Variants in GAS7 observed in about 807,000 individuals in gnomAD.
GAS7 encodes the protein growth arrest specific 7.
GAS7 carries 28 observed loss-of-function variants against 71.1 expected under a neutral mutation model. The observed-to-expected ratio is 0.39, with a 90% CI of 0.29 to 0.54. The LOEUF (loss-of-function observed/expected upper bound fraction) is 0.54, where lower values mean the gene tolerates loss of function less well. GAS7 is among the 20% of genes least tolerant of loss of function. The pLI is 0.62. For missense variants in GAS7, 436 were observed against 627.8 expected (o/e 0.69, Z 3.27); for synonymous variants, 258 against 245.8 (o/e 1.05, Z -0.46).
intron 1 of GAS7, among the ~76,000 whole-genome samples, chr17:10,047,135 G>C (rs575298254): frequency 1.3e-4 from 20 of 152,152 alleles, no homozygotes; most frequent in Non-Finnish European, 2.4e-4. Flanking sequence ...GAAAACAAGA[G>C]AGCAGGAAGT....
chr17:9,918,066 T>C lies in GAS7; in HGVS notation c.1252A>G (p.Met418Val), dbSNP rs759002085. 1.2e-6 allele frequency: 2 copies of C among 1,613,806 alleles called. No individual in the cohort carries two copies. The highest frequency in any genetic ancestry group is 1.7e-6 in the Non-Finnish European group (2 of 1,179,794). The stretch of plus-strand genomic sequence containing the variant: ...TACTGGCACAGGTGCTGCCGGATCA[T>C]CTCTACCCTCTCCACCTCCAGCCGC... Reference protein sequence around the residue: ...LERLEVERVEMIRQHLCQYTQ... With the variant: ...LERLEVERVEVIRQHLCQYTQ... The change falls in exon 13 of 14, where the codon ATG becomes GTG. Residue 418 changes from methionine to valine, a missense_variant. Met to Val is a conservative substitution (Grantham distance 21, BLOSUM62 1). Transcript: ENST00000432992.
intron 1 of GAS7, among the ~76,000 whole-genome samples, chr17:10,149,382 C>T (rs747748834): frequency 3.9e-5 from 6 of 152,204 alleles, no homozygotes; most frequent in Non-Finnish European, 4.4e-5. Flanking sequence ...GGATTACAGA[C>T]GTGAGCCACC....
At chr17:9,992,833 C>T (rs2152144801) in intron 2 of GAS7, among the ~76,000 whole-genome samples, 1 of 150,490 alleles carries the variant, frequency 6.6e-6, no homozygotes, top group African/African-American at 2.4e-5. Flanking sequence ...CAATTCCCAC[C>T]TATGAGTGAG....
At chr17:9,964,504 A>G (rs1271385495) in intron 4 of GAS7, among the ~76,000 whole-genome samples, 4 of 152,128 alleles carry the variant, frequency 2.6e-5, no homozygotes, top group African/African-American at 7.2e-5. Context: ...CTGGGTCTCT[A>G]TGCGTAAACA....
chr17:9,948,582 C>G (rs953771579), intron 5 of GAS7, among the ~76,000 whole-genome samples: 2 of 152,128 alleles, frequency 1.3e-5, no homozygotes, highest in South Asian at 4.1e-4. Context: ...ACTCAGGAGG[C>G]TGAGGCAGGA....
At chr17:10,121,824 A>G (rs2073906569) in intron 1 of GAS7, among the ~76,000 whole-genome samples, 1 of 151,948 alleles carries the variant, frequency 6.6e-6, no homozygotes, top group South Asian at 2.1e-4. Flanking sequence ...AAGCCTCCCA[A>G]AAAAGTCTCA....
At chr17:10,014,114 C>T (rs939789923) in intron 2 of GAS7, among the ~76,000 whole-genome samples, 3 of 152,230 alleles carry the variant, frequency 2.0e-5, no homozygotes, top group Non-Finnish European at 4.4e-5. Context: ...ACCACACACT[C>T]AGCATGGACT....
At chr17:9,957,332 G>A (rs1248092411) in intron 5 of GAS7, among the ~76,000 whole-genome samples, 1 of 152,156 alleles carries the variant, frequency 6.6e-6, no homozygotes, top group African/African-American at 2.4e-5. Context: ...AGCAGGAAGC[G>A]ACAGGGAAGG....
In GAS7 at chr17:10,134,717, T is replaced by C. The variant is rs186317910; in HGVS notation, c.183+63491A>G. On this transcript the variant is annotated intron_variant, in intron 1 of 13. Transcript: ENST00000432992. Reference sequence around the variant, plus strand: ...GGTAGGATGGAAGAAAACAACTCTATTGAAGCCACAGGGTTATAGCCCTGT... The same window carrying C: ...GGTAGGATGGAAGAAAACAACTCTACTGAAGCCACAGGGTTATAGCCCTGT... Among the ~76,000 whole-genome samples, 55 of 152,268 alleles carry C rather than the reference T, an allele frequency of 3.6e-4. 1 individual carries two copies. Among genetic ancestry groups the C allele is most frequent in the African/African-American group, 1.2e-3 (49 of 41,538 alleles).
At chr17:10,012,457 T>C (rs1442959972) in intron 2 of GAS7, among the ~76,000 whole-genome samples, 1 of 151,894 alleles carries the variant, frequency 6.6e-6, no homozygotes, top group Non-Finnish European at 1.5e-5. Flanking sequence ...CCGGCTAATT[T>C]TTGTATTTTT....
chr17:10,037,544 G>C (rs541666476), intron 1 of GAS7, among the ~76,000 whole-genome samples: 1 of 152,146 alleles, frequency 6.6e-6, no homozygotes, highest in Admixed American at 6.5e-5. Context: ...AGGTTTCAAT[G>C]CCAGCTCCTT....
intron 1 of GAS7, among the ~76,000 whole-genome samples, chr17:10,083,241 C>CT (rs1262673630): frequency 6.6e-6 from 1 of 152,188 alleles, no homozygotes; most frequent in Non-Finnish European, 1.5e-5. Flanking sequence ...ATTAAACAGA[C>CT]TTTAGGCCAG....
intron 1 of GAS7, among the ~76,000 whole-genome samples, chr17:10,111,769 T>C (rs1182374288): frequency 6.6e-6 from 1 of 152,144 alleles, no homozygotes; most frequent in Non-Finnish European, 1.5e-5. Context: ...TAACCCCAAT[T>C]GTGTTTCCAA....
Position 9,916,980 on chromosome 17 carries a change from A to C in GAS7, c.*248T>G, listed in dbSNP as rs1319340932. Reference sequence around the variant, plus strand: ...CTCTGTTTGTTTCAGAGCGGCAAGCACAGCATGGGAGTCAGGGGGTCTTCA... The same window carrying C: ...CTCTGTTTGTTTCAGAGCGGCAAGCCCAGCATGGGAGTCAGGGGGTCTTCA... On this transcript the variant is annotated 3_prime_UTR_variant, in exon 14 of 14. Coordinates refer to ENST00000432992, the MANE Select transcript of GAS7 (RefSeq NM_201433.2). The C allele has an allele frequency of 1.3e-5, 7 of 547,990 alleles. No homozygotes were observed. The highest frequency in any genetic ancestry group is 9.1e-5 in the Admixed American group (3 of 32,810). The allele number at this position is 547,990 out of a possible 1,614,324, so 33.9% of individuals were successfully genotyped here.
At chr17:10,151,682 C>A (rs1426195587) in intron 1 of GAS7, among the ~76,000 whole-genome samples, 1 of 152,094 alleles carries the variant, frequency 6.6e-6, no homozygotes, top group African/African-American at 2.4e-5. Flanking sequence ...ATAGCTAGGG[C>A]TACAGGTGTA....
chr17:9,920,324 A>C (rs1418487276), intron 11 of GAS7, among the ~76,000 whole-genome samples: 2 of 152,174 alleles, frequency 1.3e-5, no homozygotes, highest in African/African-American at 2.4e-5. Context: ...TGGGAAACAG[A>C]GAAAGGGTGA....
intron 1 of GAS7, among the ~76,000 whole-genome samples, chr17:10,040,400 C>G (rs117336797): frequency 0.012 from 1,814 of 152,062 alleles, 15 homozygotes; most frequent in Non-Finnish European, 0.02. Flanking sequence ...CATGAGGACA[C>G]CAAGAACTAA....
intron 4 of GAS7, among the ~76,000 whole-genome samples, chr17:9,965,034 G>C (rs2069649643): frequency 6.6e-6 from 1 of 152,120 alleles, no homozygotes; most frequent in Non-Finnish European, 1.5e-5. Context: ...ACAATTGAAA[G>C]GTGGATCACA....
intron 2 of GAS7, among the ~76,000 whole-genome samples, chr17:10,014,358 G>A (rs2071905247): frequency 6.6e-6 from 1 of 152,050 alleles, no homozygotes; most frequent in Admixed American, 6.6e-5. Context: ...ACGCTTACCG[G>A]CCTTAAAGCC....
Sources: gnomAD v4.1 joint callset for allele counts (sites outside exome capture counted in the v4.1 genomes callset) on GRCh38, gnomAD v4.1.1 for gene constraint, MANE v1.5 for transcripts, NCBI Gene and HGNC (gene_info 2026-07-23, HGNC 2026-07-21) for gene names.